AKAP13: variants seen among roughly 807,000 people sequenced by gnomAD.
The protein encoded by AKAP13 is A-kinase anchoring protein 13, also known as A-kinase anchor protein 13.
AKAP13 carries 80 observed loss-of-function variants against 264.5 expected under a neutral mutation model. The ratio of observed to expected loss-of-function variants is 0.30; its 90% confidence interval spans 0.25 to 0.36. The LOEUF is 0.36. AKAP13 is among the 10% of genes least tolerant of loss of function. AKAP13 has a pLI of 1.00. For synonymous variants in AKAP13, 1,380 were observed against 1,250.2 expected (o/e 1.10, Z -2.19); for missense variants, 3,712 against 3,435.2 (o/e 1.08, Z -2.01).
At chr15:85,594,480 A>G (rs1156389038) in intron 8 of AKAP13, among the ~76,000 whole-genome samples, 1 of 152,216 alleles carries the variant, frequency 6.6e-6, no homozygotes, top group Non-Finnish European at 1.5e-5. Flanking sequence ...AGAATATTAT[A>G]TTATTTTTAC....
At position 85,743,630 on chromosome 15, in the gene AKAP13, A is replaced by C; in HGVS notation, c.8197A>C (p.Ser2733Arg). ...SELSVSPKRNSISRTHKDKGP... is the reference protein window; with the variant it reads ...SELSVSPKRNRISRTHKDKGP... ...ACTTTCAGTGTCCCCAAAAAGGAAC[A>C]GCATCTCTCGGACACACAAAGATAA... The change falls in exon 36 of 37, where the codon AGC (serine) becomes CGC (arginine). Residue 2733 changes from serine to arginine, a missense_variant. Physicochemically the swap from Ser to Arg is moderately radical, Grantham distance 110 (BLOSUM62 -1). Transcript: ENST00000394518. 6.2e-7 allele frequency: 1 copy of C among 1,614,206 alleles called. No homozygotes were observed. Among genetic ancestry groups the C allele is most frequent in the Middle Eastern group, 1.6e-4 (1 of 6,062 alleles).
chr15:85,390,329 G>T (rs2070792388), intron 1 of AKAP13, among the ~76,000 whole-genome samples: 3 of 152,160 alleles, frequency 2.0e-5, no homozygotes, highest in Non-Finnish European at 4.4e-5. Context: ...CCTTACTGAG[G>T]AGGTGAGATT....
At chr15:85,633,543 T>TC (rs2081946977) in intron 8 of AKAP13, among the ~76,000 whole-genome samples, 1 of 130,718 alleles carries the variant, frequency 7.7e-6, no homozygotes, top group Non-Finnish European at 1.6e-5. Flanking sequence ...TTCTTTTTTT[T>TC]TTTTTTTTTT....
At chr15:85,661,629 G>T (rs1236841311) in intron 12 of AKAP13, among the ~76,000 whole-genome samples, 2 of 152,142 alleles carry the variant, frequency 1.3e-5, no homozygotes, top group African/African-American at 4.8e-5. Flanking sequence ...GCTGAGGCAG[G>T]AGAATCGCTT....
At chr15:85,488,643 A>T (rs1277465999) in intron 2 of AKAP13, among the ~76,000 whole-genome samples, 1 of 152,214 alleles carries the variant, frequency 6.6e-6, no homozygotes, top group Non-Finnish European at 1.5e-5. Flanking sequence ...GAGAGGGAGT[A>T]TCAGGAGAGT....
At chr15:85,495,394 T>C (rs1398773347) in intron 2 of AKAP13, among the ~76,000 whole-genome samples, 1 of 152,202 alleles carries the variant, frequency 6.6e-6, no homozygotes, top group Non-Finnish European at 1.5e-5. Flanking sequence ...TTGTATTCGA[T>C]GCTGATAATT....
intron 19 of AKAP13, among the ~76,000 whole-genome samples, chr15:85,713,567 TG>T (rs1244491982): frequency 7.3e-4 from 2 of 2,728 alleles, no homozygotes; most frequent in African/African-American, 4.8e-3. Flanking sequence ...TTCTCTTGGG[TG>T]GGGGTGGGGG....
chr15:85,548,842 T>G (rs2077849686), intron 5 of AKAP13, among the ~76,000 whole-genome samples: 2 of 152,090 alleles, frequency 1.3e-5, no homozygotes, highest in African/African-American at 4.8e-5. Context: ...CAGGGTCTAC[T>G]TCTGTGAAAC....
rs924145808 is a variant in AKAP13 at position 85,644,735 on chromosome 15, A to C, written c.4238-1083A>C. On this transcript the variant is annotated intron_variant, in intron 9 of 36. Coordinates refer to ENST00000394518, the MANE Select transcript of AKAP13 (RefSeq NM_007200.5). ...AAAAAAATTAGCCAGGCATGGTGGC[A>C]CGTGCCTGTAGTCCCAGCTACTCAA... Among the ~76,000 whole-genome samples, 12 of 150,416 alleles carry C rather than the reference A, an allele frequency of 8.0e-5. No individual in the cohort carries two copies. The East Asian group carries it at 1.8e-3, about 22-fold the overall frequency.
In AKAP13 at chr15:85,409,330, C is replaced by G. The variant is rs150006515; in HGVS notation, c.-12+28532C>G. Among the ~76,000 whole-genome samples, 628 of 151,562 alleles carry G rather than the reference C, an allele frequency of 4.1e-3. 5 individuals carry two copies. Among genetic ancestry groups the G allele is most frequent in the Non-Finnish European group, 5.6e-3 (381 of 67,978 alleles). ...GTAGCTGGGATGAAAGAGTGCACCACCACACCCAGCTAATTTTTTGTATTT... is the reference window on the plus strand; with the variant it reads ...GTAGCTGGGATGAAAGAGTGCACCAGCACACCCAGCTAATTTTTTGTATTT... On this transcript the variant is annotated intron_variant, in intron 1 of 36. Transcript: ENST00000394518.
At chr15:85,465,376 G>T (rs1310119862) in intron 1 of AKAP13, among the ~76,000 whole-genome samples, 1 of 151,736 alleles carries the variant, frequency 6.6e-6, no homozygotes, top group East Asian at 1.9e-4. Context: ...TATACTTTAA[G>T]TTTTAGGGTA....
At chr15:85,521,622 C>T (rs1486074584) in intron 3 of AKAP13, 47 bp downstream of exon 3, 1 of 1,586,366 alleles carries the variant, frequency 6.3e-7, no homozygotes, top group Non-Finnish European at 8.6e-7. Context: ...AGTTCTTAAA[C>T]CCTTTTATTC....
At chr15:85,587,089 C>T (rs948911354) in intron 8 of AKAP13, among the ~76,000 whole-genome samples, 11 of 152,134 alleles carry the variant, frequency 7.2e-5, no homozygotes, top group Non-Finnish European at 1.3e-4. Context: ...CTGCAACCAT[C>T]GCCACTAAGG....
At chr15:85,651,238 A>G (rs1230320736) in intron 10 of AKAP13, among the ~76,000 whole-genome samples, 2 of 152,230 alleles carry the variant, frequency 1.3e-5, no homozygotes, top group Non-Finnish European at 2.9e-5. Context: ...TGAGGCATAT[A>G]GAAAATTTGG....
intron 1 of AKAP13, among the ~76,000 whole-genome samples, chr15:85,461,277 G>A (rs1476833573): frequency 6.6e-6 from 1 of 152,040 alleles, no homozygotes; most frequent in Non-Finnish European, 1.5e-5. Context: ...TACCATGACT[G>A]GCTAATTTTT....
chr15:85,741,042 C>G lies in AKAP13; in HGVS notation c.7609-4C>G. The G allele has an allele frequency of 1.2e-6, 2 of 1,601,332 alleles. No individual in the cohort carries two copies. The highest frequency in any genetic ancestry group is 1.7e-6 in the Non-Finnish European group (2 of 1,172,786). ...TGCAGGGCTCCCCTCTGTGTGCCTC[C>G]CAGGGTGTGGTGCTGCAGCAGGACA... On this transcript the variant is annotated splice_region_variant and splice_polypyrimidine_tract_variant and intron_variant, in intron 34 of 36. Transcript: ENST00000394518.
In AKAP13 at chr15:85,710,538, C is replaced by T. The variant is rs536576209; in HGVS notation, c.5533-41C>T. 2,285 of 1,600,920 alleles carry T rather than the reference C, an allele frequency of 1.4e-3. 4 individuals are homozygous for T. The highest frequency in any genetic ancestry group is 2.8e-3 in the Admixed American group (164 of 58,608). On this transcript the variant is annotated intron_variant, in intron 18 of 36. Transcript: ENST00000394518. ...TCCTACTCGGCTTCTCAGGGCTTGT[C>T]AGAGGTGAATTGTCAATGGACTTAC...
At chr15:85,507,698 G>A (rs954138263) in intron 2 of AKAP13, among the ~76,000 whole-genome samples, 4 of 152,216 alleles carry the variant, frequency 2.6e-5, no homozygotes, top group Admixed American at 6.5e-5. Context: ...GGTGGTGGTC[G>A]TGTGGCCAAG....
At chr15:85,529,872 TAA>T (rs1254440048) in intron 3 of AKAP13, among the ~76,000 whole-genome samples, 3 of 152,256 alleles carry the variant, frequency 2.0e-5, no homozygotes, top group African/African-American at 7.2e-5. Context: ...AAGAAGCCTC[TAA>T]TCGTACCAAA....
Sources: allele counts gnomAD v4.1 joint callset (sites outside exome capture counted in the v4.1 genomes callset), GRCh38; gene constraint gnomAD v4.1.1; transcripts MANE v1.5; gene names NCBI Gene and HGNC (gene_info 2026-07-23, HGNC 2026-07-21).